Variants in CTNNA2 observed in about 807,000 individuals in gnomAD.
CTNNA2 encodes the protein catenin alpha-2.
Under a neutral mutation model 101.0 loss-of-function variants are expected in CTNNA2, and 42 were observed. That is an observed-to-expected ratio of 0.42 (90% CI 0.32 to 0.54). The LOEUF (loss-of-function observed/expected upper bound fraction) is 0.54, where lower values mean the gene tolerates loss of function less well. CTNNA2 is among the 20% of genes least tolerant of loss of function. The pLI, the probability that CTNNA2 is intolerant of heterozygous loss-of-function variation, is 0.14. For synonymous variants in CTNNA2, 450 were observed against 456.4 expected, an observed-to-expected ratio of 0.99 and a Z score of 0.18; for missense variants, 871 against 1,223.1, an observed-to-expected ratio of 0.71 and a Z score of 4.29.
At chr2:80,088,816 G>A (rs1017333478) in intron 7 of CTNNA2, among the ~76,000 whole-genome samples, 1 of 152,072 alleles carries the variant, frequency 6.6e-6, no homozygotes, top group Non-Finnish European at 1.5e-5. Flanking sequence ...CACTCAACAT[G>A]TTTGAAAGAC....
At chr2:79,766,571 C>T (rs1673172209) in intron 3 of CTNNA2, among the ~76,000 whole-genome samples, 1 of 152,082 alleles carries the variant, frequency 6.6e-6, no homozygotes, top group African/African-American at 2.4e-5. Flanking sequence ...TTATCTTTCT[C>T]TAGGTTTGAG....
chr2:79,419,897 G>A (rs559057169), intron 4 of CTNNA2, among the ~76,000 whole-genome samples: 84 of 152,152 alleles, frequency 5.5e-4, no homozygotes, highest in African/African-American at 1.9e-3. Flanking sequence ...TAATTCTTTT[G>A]TTATTGTTGT....
chr2:80,243,352 A>G (rs1269452017), intron 7 of CTNNA2, among the ~76,000 whole-genome samples: 2 of 152,168 alleles, frequency 1.3e-5, no homozygotes, highest in Non-Finnish European at 2.9e-5. Flanking sequence ...TTTCCACGAG[A>G]TAATCATTTC....
intron 9 of CTNNA2, among the ~76,000 whole-genome samples, chr2:80,522,810 A>T (rs1689686170): frequency 6.6e-6 from 1 of 152,138 alleles, no homozygotes; most frequent in Non-Finnish European, 1.5e-5. Flanking sequence ...CTGCAAAACC[A>T]TGAGCTGATT....
At chr2:79,691,828 A>C (rs973719261) in intron 2 of CTNNA2, among the ~76,000 whole-genome samples, 3 of 152,156 alleles carry the variant, frequency 2.0e-5, no homozygotes, top group African/African-American at 7.2e-5. Context: ...ATATGCAGAA[A>C]ACTGAAACTG....
At chr2:80,127,580 G>GT (rs1702206140) in intron 7 of CTNNA2, among the ~76,000 whole-genome samples, 1 of 152,206 alleles carries the variant, frequency 6.6e-6, no homozygotes, top group Admixed American at 6.5e-5. Context: ...AACCCAGGTT[G>GT]TTTAAATATT....
At chr2:79,805,061 A>G (rs1676464355) in intron 3 of CTNNA2, among the ~76,000 whole-genome samples, 1 of 152,092 alleles carries the variant, frequency 6.6e-6, no homozygotes. Flanking sequence ...TTGAACATCA[A>G]ATGCTTTTAT....
At chr2:79,907,902 C>T (rs185771678) in intron 6 of CTNNA2, among the ~76,000 whole-genome samples, 151 of 152,280 alleles carry the variant, frequency 9.9e-4, no homozygotes, top group East Asian at 4.6e-3. Context: ...CCCAACCTAC[C>T]TACACTCATT....
intron 9 of CTNNA2, among the ~76,000 whole-genome samples, chr2:80,521,875 A>G (rs1689587931): frequency 6.6e-6 from 1 of 152,216 alleles, no homozygotes; most frequent in South Asian, 2.1e-4. Flanking sequence ...CACACTAAAT[A>G]ACTAAATCAA....
chr2:80,253,640 G>A (rs1272524797), intron 7 of CTNNA2, among the ~76,000 whole-genome samples: 1 of 151,726 alleles, frequency 6.6e-6, no homozygotes, highest in East Asian at 1.9e-4. Flanking sequence ...TTCTTTTTTT[G>A]CAAACTTCCT....
chr2:80,622,626 G>A (rs1236242685), intron 18 of CTNNA2, among the ~76,000 whole-genome samples: 2 of 151,852 alleles, frequency 1.3e-5, no homozygotes, highest in Non-Finnish European at 2.9e-5. Context: ...ATTGATTTGG[G>A]TATGATTTAT....
chr2:80,063,881 T>C (rs1572976692), intron 7 of CTNNA2, among the ~76,000 whole-genome samples: 1 of 152,306 alleles, frequency 6.6e-6, no homozygotes, highest in East Asian at 1.9e-4. Flanking sequence ...CCACCCCTAG[T>C]TATTTGATAT....
At chr2:80,014,149 G>T (rs1363074002) in intron 7 of CTNNA2, among the ~76,000 whole-genome samples, 1 of 152,036 alleles carries the variant, frequency 6.6e-6, no homozygotes, top group East Asian at 1.9e-4. Flanking sequence ...ATTGCTCATT[G>T]ACTGGTACTT....
intron 1 of CTNNA2, among the ~76,000 whole-genome samples, chr2:79,530,326 T>C (rs1485654270): frequency 1.3e-5 from 2 of 152,098 alleles, no homozygotes; most frequent in African/African-American, 2.4e-5. Context: ...ATGCCTCACT[T>C]CTCCAGCAAA....
intron 7 of CTNNA2, among the ~76,000 whole-genome samples, chr2:80,055,559 A>G (rs867590116): frequency 3.3e-5 from 5 of 152,170 alleles, no homozygotes; most frequent in Admixed American, 6.5e-5. Flanking sequence ...GAGCACTTTC[A>G]TATAATAATC....
At position 80,043,110 on chromosome 2, in the gene CTNNA2, T is replaced by C. The variant is rs1169043614; in HGVS notation, c.1056+133313T>C. On this transcript the variant is annotated intron_variant, in intron 7 of 18. Transcript: ENST00000402739. ...TTCTTTCTTTCTCTCTCTCTCTCTCTCTTTCTTTCTCCTTCCTTCCTTCCT... is the reference window on the plus strand; with the variant it reads ...TTCTTTCTTTCTCTCTCTCTCTCTCCCTTTCTTTCTCCTTCCTTCCTTCCT... 1.2e-3 allele frequency among the ~76,000 whole-genome samples: 82 copies of C among 67,816 alleles called. 1 individual carries two copies. The highest frequency in any genetic ancestry group is 6.2e-3 in the East Asian group (14 of 2,264). 44.5% of individuals were successfully genotyped at this position (67,816 alleles called of 152,430 possible). A position where few individuals can be genotyped will look rare whatever the true frequency, so the allele number is the denominator to read the frequency against.
chr2:80,554,356 A>G (rs1473604555), intron 11 of CTNNA2, among the ~76,000 whole-genome samples: 2 of 152,222 alleles, frequency 1.3e-5, no homozygotes, highest in African/African-American at 2.4e-5. Context: ...ATTTTAAAAT[A>G]TTAACAGGTT....
chr2:80,050,751 A>G (rs1468105272), intron 7 of CTNNA2, among the ~76,000 whole-genome samples: 2 of 152,182 alleles, frequency 1.3e-5, no homozygotes, highest in East Asian at 3.8e-4. Context: ...CCCAGGCTGC[A>G]GTGCAGTGGT....
intron 17 of CTNNA2, among the ~76,000 whole-genome samples, chr2:80,611,631 A>C (rs962112982): frequency 6.6e-6 from 1 of 151,654 alleles, no homozygotes; most frequent in African/African-American, 2.4e-5. Flanking sequence ...AGATGTATAC[A>C]TGGATCTGGA....
Sources: allele counts gnomAD v4.1 joint callset (sites outside exome capture counted in the v4.1 genomes callset), GRCh38; gene constraint gnomAD v4.1.1; transcripts MANE v1.5; gene names NCBI Gene and HGNC (gene_info 2026-07-23, HGNC 2026-07-21).